The following ZDHHC14 variants were observed in gnomAD, a reference collection of about 807,000 sequenced individuals.
The protein encoded by ZDHHC14 is zDHHC palmitoyltransferase 14, also known as palmitoyltransferase ZDHHC14.
ZDHHC14 carries 16 observed loss-of-function variants against 47.7 expected under a neutral mutation model. The observed-to-expected ratio is 0.34, with a 90% confidence interval of 0.23 to 0.51. The LOEUF is 0.51. ZDHHC14 is among the 20% of genes least tolerant of loss of function. ZDHHC14 has a pLI of 0.97. For synonymous variants in ZDHHC14, 293 were observed against 278.9 expected (o/e 1.05, Z -0.50); for missense variants, 515 against 662.5 (o/e 0.78, Z 2.44).
At chr6:157,569,703 C>T (rs187801341) in intron 2 of ZDHHC14, among the ~76,000 whole-genome samples, 8 of 152,204 alleles carry the variant, frequency 5.3e-5, no homozygotes, top group Admixed American at 1.3e-4. Context: ...CCGCAGGAAG[C>T]AGAGTGTCTC....
intron 5 of ZDHHC14, among the ~76,000 whole-genome samples, chr6:157,645,131 C>G (rs1006533118): frequency 6.6e-6 from 1 of 152,228 alleles, no homozygotes; most frequent in South Asian, 2.1e-4. Context: ...CCTGACGTCA[C>G]TCCGAGAAAT....
intron 1 of ZDHHC14, among the ~76,000 whole-genome samples, chr6:157,430,720 C>T (rs1778322421): frequency 1.3e-5 from 2 of 152,238 alleles, no homozygotes; most frequent in Admixed American, 6.5e-5. Context: ...TTAACGTATT[C>T]ACAGGTTCTG....
chr6:157,481,297 G>A lies in ZDHHC14; in HGVS notation c.246-61288G>A, dbSNP rs148088469. ...TGTCTGCTAAGGTGGTGTTTTTATCGTATTTTTCCTTTTTTGGAAGTCTAC... is the reference window on the plus strand; with the variant it reads ...TGTCTGCTAAGGTGGTGTTTTTATCATATTTTTCCTTTTTTGGAAGTCTAC... On this transcript the variant is annotated intron_variant, in intron 1 of 8. Transcript: ENST00000359775. Among the ~76,000 whole-genome samples the A allele has an allele frequency of 4.5e-3, 686 of 152,262 alleles. 19 individuals are homozygous for A. The highest frequency in any genetic ancestry group is 0.036 in the Admixed American group (544 of 15,290).
chr6:157,459,813 A>C (rs1259386243), intron 1 of ZDHHC14, among the ~76,000 whole-genome samples: 1 of 152,118 alleles, frequency 6.6e-6, no homozygotes, highest in Non-Finnish European at 1.5e-5. Flanking sequence ...GGTGGCTCAC[A>C]CCTGTAATCC....
At chr6:157,451,686 G>A (rs1330458872) in intron 1 of ZDHHC14, among the ~76,000 whole-genome samples, 5 of 152,000 alleles carry the variant, frequency 3.3e-5, no homozygotes, top group Admixed American at 1.3e-4. Flanking sequence ...TCAGCCTCCC[G>A]AGTAGCTGGG....
intron 8 of ZDHHC14, among the ~76,000 whole-genome samples, chr6:157,660,484 C>A (rs9365240): frequency 0.23 from 34,785 of 152,122 alleles, 4,677 homozygotes; most frequent in East Asian, 0.53. Flanking sequence ...TGAACCACTG[C>A]GCCTGGCCCC....
chr6:157,613,134 C>T (rs13200189), intron 3 of ZDHHC14, among the ~76,000 whole-genome samples: 11,425 of 152,226 alleles, frequency 0.075, 1,466 homozygotes, highest in African/African-American at 0.26. Flanking sequence ...CTGACGCAAC[C>T]TACACGTGTA....
intron 2 of ZDHHC14, among the ~76,000 whole-genome samples, chr6:157,576,145 T>G (rs372940162): frequency 6.6e-6 from 1 of 152,320 alleles, no homozygotes; most frequent in Admixed American, 6.5e-5. Context: ...TTTCCATCCT[T>G]GAAGAAAAAT....
chr6:157,410,304 C>T (rs1351051213), intron 1 of ZDHHC14, among the ~76,000 whole-genome samples: 1 of 151,976 alleles, frequency 6.6e-6, no homozygotes, highest in Non-Finnish European at 1.5e-5. Flanking sequence ...TCATCTTCCA[C>T]GGAAAGTGGA....
intron 1 of ZDHHC14, among the ~76,000 whole-genome samples, chr6:157,522,225 A>G (rs537725274): frequency 1.3e-5 from 2 of 152,326 alleles, no homozygotes; most frequent in East Asian, 1.9e-4. Context: ...TGTTTTGTGC[A>G]GTATATTCAT....
intron 5 of ZDHHC14, among the ~76,000 whole-genome samples, chr6:157,643,274 A>C (rs1583062955): frequency 6.6e-6 from 1 of 152,150 alleles, no homozygotes; most frequent in African/African-American, 2.4e-5. Flanking sequence ...CTCGCATCCT[A>C]CTTTGGATTC....
chr6:157,490,970 C>T (rs780872912), intron 1 of ZDHHC14, among the ~76,000 whole-genome samples: 2 of 150,952 alleles, frequency 1.3e-5, no homozygotes, highest in Non-Finnish European at 1.5e-5. Context: ...GGAGTGGGGG[C>T]GCAGAGGAGA....
intron 3 of ZDHHC14, among the ~76,000 whole-genome samples, chr6:157,603,994 C>T (rs1428623863): frequency 1.3e-5 from 2 of 152,082 alleles, no homozygotes; most frequent in Admixed American, 6.6e-5. Context: ...CAACCAACCT[C>T]GAATCAAATA....
chr6:157,633,559 C>T (rs1181233785), intron 5 of ZDHHC14, among the ~76,000 whole-genome samples: 1 of 152,182 alleles, frequency 6.6e-6, no homozygotes, highest in Non-Finnish European at 1.5e-5. Flanking sequence ...ATGGGACCCC[C>T]TGATCTGGCT....
rs545052041 is a variant in ZDHHC14 at position 157,449,107 on chromosome 6, G to A, written c.245+66841G>A. 3.3e-5 allele frequency among the ~76,000 whole-genome samples: 5 copies of A among 152,300 alleles called. No individual in the cohort carries two copies. The South Asian group carries it at 1.0e-3, about 32-fold the overall frequency. On this transcript the variant is annotated intron_variant, in intron 1 of 8. Transcript: ENST00000359775. ...CTCAGGCACCCAGGACCATACTTTTGTCATAAATAATCACAAACATTTCAG... is the reference window on the plus strand; with the variant it reads ...CTCAGGCACCCAGGACCATACTTTTATCATAAATAATCACAAACATTTCAG...
At position 157,612,931 on chromosome 6, in the gene ZDHHC14, A is replaced by G. The variant is rs979931491; in HGVS notation, c.566-15418A>G. 1.3e-4 allele frequency among the ~76,000 whole-genome samples: 20 copies of G among 152,100 alleles called. 1 individual carries two copies. The highest frequency in any genetic ancestry group is 4.8e-4 in the African/African-American group (20 of 41,388). The stretch of plus-strand genomic sequence containing the variant: ...GGAAAAAAAAAGCCTCGGGCACCCA[A>G]TCTAAACTAAATGAAACCCATATCC... On this transcript the variant is annotated intron_variant, in intron 3 of 8. Coordinates refer to ENST00000359775, the MANE Select transcript of ZDHHC14 (RefSeq NM_024630.3).
intron 2 of ZDHHC14, among the ~76,000 whole-genome samples, chr6:157,581,761 C>A (rs1337887455): frequency 1.3e-5 from 2 of 151,844 alleles, no homozygotes; most frequent in Non-Finnish European, 2.9e-5. Context: ...TTCTGTTTTC[C>A]ATTTGCTTGG....
chr6:157,513,516 C>G (rs1780568884), intron 1 of ZDHHC14, among the ~76,000 whole-genome samples: 1 of 152,198 alleles, frequency 6.6e-6, no homozygotes, highest in Non-Finnish European at 1.5e-5. Context: ...ATCTGGGACT[C>G]TGTCAACATT....
intron 1 of ZDHHC14, among the ~76,000 whole-genome samples, chr6:157,507,657 C>G (rs1029932765): frequency 1.3e-5 from 2 of 152,120 alleles, no homozygotes; most frequent in African/African-American, 2.4e-5. Context: ...CCAATTGCAC[C>G]CATTCTTGCT....
Sources: gnomAD v4.1 joint callset for allele counts (sites outside exome capture counted in the v4.1 genomes callset) on GRCh38, gnomAD v4.1.1 for gene constraint, MANE v1.5 for transcripts, NCBI Gene and HGNC (gene_info 2026-07-23, HGNC 2026-07-21) for gene names.